LITAF: variants seen among roughly 807,000 people sequenced by gnomAD.
The protein encoded by LITAF is lipopolysaccharide induced TNF factor, also known as lipopolysaccharide-induced tumor necrosis factor-alpha factor.
LITAF carries 9 observed loss-of-function variants against 14.5 expected under a neutral mutation model. The ratio of observed to expected loss-of-function variants is 0.62; its 90% CI spans 0.37 to 1.08. The LOEUF is 1.08. Among genes scored for constraint, LITAF ranks in the 50% least tolerant of loss-of-function variants. LITAF has a pLI of 0.01. For missense variants in LITAF, 206 were observed against 213.4 expected (o/e 0.97, Z 0.22); for synonymous variants, 98 against 88.2 (o/e 1.11, Z -0.62).
chr16:11,633,102 A>C (rs1438942410), intron 3 of LITAF, among the ~76,000 whole-genome samples: 1 of 152,126 alleles, frequency 6.6e-6, no homozygotes, highest in East Asian at 1.9e-4. Context: ...ATCCCCCAAC[A>C]CACGTGCACA....
chr16:11,628,535 G>T (rs974228524), intron 3 of LITAF, among the ~76,000 whole-genome samples: 45 of 152,158 alleles, frequency 3.0e-4, no homozygotes, highest in Non-Finnish European at 1.2e-4. Flanking sequence ...TCAAGATCTT[G>T]CTCTGTTGCC....
chr16:11,556,676 C>T lies in LITAF; in HGVS notation c.55G>A (p.Ala19Thr), dbSNP rs753060675. The change falls in exon 2 of 4, where the codon GCA becomes ACA. Residue 19 changes from alanine (A) to threonine (T), a missense_variant. Physicochemically the swap from Ala to Thr is moderately conservative, Grantham distance 58 (BLOSUM62 0). Transcript: ENST00000622633. Reference protein sequence around the residue: ...AATGPSSAPSAPPSYEETVAV... With the variant: ...AATGPSSAPSTPPSYEETVAV... ...ACTGTCTCTTCATAGGATGGAGGTGCGGATGGTGCTGAGGAAGGCCCAGTG... is the reference window on the plus strand; with the variant it reads ...ACTGTCTCTTCATAGGATGGAGGTGTGGATGGTGCTGAGGAAGGCCCAGTG... 37 of 1,614,012 alleles carry T rather than the reference C, an allele frequency of 2.3e-5. No homozygotes were observed. The highest frequency in any genetic ancestry group is 1.1e-4 in the East Asian group (5 of 44,882).
Position 11,586,170 on chromosome 16 carries a change from C to G in LITAF, c.-6+716G>C, listed in dbSNP as rs1486651566. The G allele has an allele frequency of 6.6e-6, 1 of 152,404 alleles. No homozygotes were observed. The highest frequency in any genetic ancestry group is 1.5e-5 in the Non-Finnish European group (1 of 68,226). The allele number at this position is 152,404 out of a possible 1,614,324, so 9.4% of individuals were successfully genotyped here. A position where few individuals can be genotyped will look rare whatever the true frequency, so the allele number is the denominator to read the frequency against. ...CCCAGCACCGGCGGTGGACGGTGAG[C>G]GGCGTCTGGGCCCAGAGCTGGGTGC... is the stretch of plus-strand genomic sequence containing the variant. On this transcript the variant is annotated intron_variant, in intron 1 of 3. Transcript: ENST00000622633. The surrounding 1 kb of genome is among the most constrained non-coding windows in gnomAD (Gnocchi z 6.5).
At chr16:11,572,241 C>G (rs2064554336) in intron 1 of LITAF, among the ~76,000 whole-genome samples, 1 of 152,122 alleles carries the variant, frequency 6.6e-6, no homozygotes, top group Non-Finnish European at 1.5e-5. Flanking sequence ...TTCCTGCTCC[C>G]CAGGTACGCA....
intron 1 of LITAF, among the ~76,000 whole-genome samples, chr16:11,593,825 G>A (rs929069989): frequency 2.6e-5 from 4 of 152,156 alleles, no homozygotes; most frequent in African/African-American, 9.7e-5. Flanking sequence ...AAGTGGATCC[G>A]TGCTGAAAGG....
intron 3 of LITAF, among the ~76,000 whole-genome samples, chr16:11,615,829 G>A (rs905833330): frequency 1.9e-4 from 29 of 152,078 alleles, no homozygotes; most frequent in African/African-American, 5.8e-4. Context: ...AGTATCTTTC[G>A]TATGCTAATG....
At chr16:11,591,565 T>C (rs1425487736), upstream of LITAF, among the ~76,000 whole-genome samples, 1 of 131,720 alleles carries the variant, frequency 7.6e-6, no homozygotes, top group Non-Finnish European at 1.6e-5. Flanking sequence ...GACATATAAA[T>C]CAATGAAATA....
upstream of LITAF, among the ~76,000 whole-genome samples, chr16:11,591,783 G>C (rs1015503764): frequency 8.6e-5 from 13 of 151,910 alleles, no homozygotes; most frequent in African/African-American, 3.1e-4. Context: ...TGGAATTACA[G>C]GCATGCACCA....
chr16:11,581,635 A>T (rs933380070), intron 1 of LITAF, among the ~76,000 whole-genome samples: 1 of 152,142 alleles, frequency 6.6e-6, no homozygotes, highest in Non-Finnish European at 1.5e-5. Context: ...TATATAAGTA[A>T]ATAAAGTATA....
At chr16:11,574,733 T>A (rs2141807299) in intron 1 of LITAF, among the ~76,000 whole-genome samples, 1 of 152,168 alleles carries the variant, frequency 6.6e-6, no homozygotes, top group South Asian at 2.1e-4. Flanking sequence ...AAGAAGACGT[T>A]CCCTTTACCA....
rs1216031744 is a variant in LITAF, at chr16:11,548,538, T to A, written c.*1099A>T. Reference sequence around the variant, plus strand: ...GTTCCATGATGAAGGTGTTTAAGAATCACATTAACCCCAAGTAAAGGCAGT... The same window carrying A: ...GTTCCATGATGAAGGTGTTTAAGAAACACATTAACCCCAAGTAAAGGCAGT... On this transcript the variant is annotated 3_prime_UTR_variant, in exon 4 of 4. Coordinates refer to ENST00000622633, the MANE Select transcript of LITAF (RefSeq NM_001136472.2). The A allele has an allele frequency of 2.2e-6, 1 of 453,670 alleles. No individual in the cohort carries two copies. The highest frequency in any genetic ancestry group is 1.6e-5 in the South Asian group (1 of 64,432). The allele number at this position is 453,670 out of a possible 1,614,324, so 28.1% of individuals were successfully genotyped here. A position where few individuals can be genotyped will look rare whatever the true frequency, so the allele number is the denominator to read the frequency against.
At chr16:11,583,831 G>A (rs12445222) in intron 1 of LITAF, among the ~76,000 whole-genome samples, 23,168 of 152,150 alleles carry the variant, frequency 0.15, 1,919 homozygotes, top group South Asian at 0.23. Context: ...CCTACCTACT[G>A]CGAGGTGAGC....
intron 1 of LITAF, among the ~76,000 whole-genome samples, chr16:11,583,422 T>C (rs2064767911): frequency 6.6e-6 from 1 of 152,186 alleles, no homozygotes; most frequent in Admixed American, 6.5e-5. Flanking sequence ...TCACAGTTTT[T>C]CATCAAACAG....
intron 3 of LITAF, among the ~76,000 whole-genome samples, chr16:11,616,463 G>A (rs899631165): frequency 2.6e-4 from 39 of 150,770 alleles, no homozygotes; most frequent in African/African-American, 9.0e-4. Flanking sequence ...GGGTGACAGG[G>A]TGAGACCCTG....
chr16:11,603,000 G>A (rs934206113), upstream of LITAF, among the ~76,000 whole-genome samples: 2 of 152,090 alleles, frequency 1.3e-5, no homozygotes, highest in Admixed American at 6.6e-5. Flanking sequence ...TGTAGTCCCA[G>A]CTACTCGGGA....
intron 3 of LITAF, among the ~76,000 whole-genome samples, chr16:11,625,325 C>G (rs1490812437): frequency 1.3e-5 from 2 of 150,072 alleles, no homozygotes; most frequent in Non-Finnish European, 2.9e-5. Flanking sequence ...TGCAGTAGTG[C>G]GATCTCGGCT....
intron 1 of LITAF, among the ~76,000 whole-genome samples, chr16:11,573,768 C>G (rs1379605947): frequency 7.3e-6 from 1 of 137,814 alleles, no homozygotes; most frequent in Non-Finnish European, 1.5e-5. Context: ...GTGGCGCGAT[C>G]TCGACTCACT....
intron 3 of LITAF, among the ~76,000 whole-genome samples, chr16:11,630,120 T>C (rs1338418002): frequency 6.6e-6 from 1 of 151,926 alleles, no homozygotes; most frequent in East Asian, 1.9e-4. Context: ...AGAACGGAGG[T>C]CATGGGAGTC....
chr16:11,567,431 A>C (rs1274938019), intron 1 of LITAF, among the ~76,000 whole-genome samples: 5 of 148,688 alleles, frequency 3.4e-5, no homozygotes, highest in African/African-American at 1.2e-4. Context: ...AAAAAAAAAA[A>C]AACACAAAAC....
Sources: gnomAD v4.1 joint callset for allele counts (sites outside exome capture counted in the v4.1 genomes callset) on GRCh38, gnomAD v4.1.1 for gene constraint, Gnocchi (gnomAD v3.1) non-coding constraint, MANE v1.5 for transcripts, NCBI Gene and HGNC (gene_info 2026-07-23, HGNC 2026-07-21) for gene names.